CRACR2A: variants seen among roughly 807,000 people sequenced by gnomAD.
The protein encoded by CRACR2A is EF-hand calcium-binding domain-containing protein 4B.
In CRACR2A, 79 loss-of-function variants were observed where a neutral mutation model predicts 90.5. The ratio of observed to expected loss-of-function variants is 0.87; its 90% CI spans 0.73 to 1.05. The LOEUF (loss-of-function observed/expected upper bound fraction) is 1.05. CRACR2A is among the 50% of genes least tolerant of loss of function. The pLI, the probability that CRACR2A is intolerant of heterozygous loss-of-function variation, is 0.00. For synonymous variants in CRACR2A, 338 were observed against 356.7 expected (o/e 0.95, Z 0.59); for missense variants, 823 against 897.2 (o/e 0.92, Z 1.06).
At chr12:3,742,118 C>T (rs1946536231) in intron 1 of CRACR2A, among the ~76,000 whole-genome samples, 1 of 152,226 alleles carries the variant, frequency 6.6e-6, no homozygotes, top group Non-Finnish European at 1.5e-5. Flanking sequence ...AGGCCTAGGA[C>T]ATGGGCAAAT....
chr12:3,693,434 T>A (rs557910288), intron 4 of CRACR2A, among the ~76,000 whole-genome samples: 100 of 152,220 alleles, frequency 6.6e-4, no homozygotes, highest in African/African-American at 2.2e-3. Context: ...GGTCTGACAG[T>A]TCCTCTAGGA....
At chr12:3,725,038 C>G (rs114235055) in intron 2 of CRACR2A, among the ~76,000 whole-genome samples, 1 of 152,052 alleles carries the variant, frequency 6.6e-6, no homozygotes, top group Non-Finnish European at 1.5e-5. Flanking sequence ...AATCAGTGCC[C>G]GCTCCCCCTG....
At chr12:3,656,036 G>A (rs1053095034) in intron 9 of CRACR2A, among the ~76,000 whole-genome samples, 7 of 152,224 alleles carry the variant, frequency 4.6e-5, no homozygotes, top group African/African-American at 1.7e-4. Context: ...TGGCATTCTC[G>A]TGGCTCCTGG....
At chr12:3,751,393 T>C (rs1946700060) in intron 1 of CRACR2A, among the ~76,000 whole-genome samples, 1 of 152,150 alleles carries the variant, frequency 6.6e-6, no homozygotes. Context: ...GTACATCCCA[T>C]ACCCAGGTGC....
At chr12:3,752,335 C>T (rs1212880341) in intron 1 of CRACR2A, among the ~76,000 whole-genome samples, 1 of 53,626 alleles carries the variant, frequency 1.9e-5, no homozygotes, top group East Asian at 1.6e-3. Flanking sequence ...CGCACACACA[C>T]GGACACACAC....
chr12:3,731,006 C>T (rs914226553), intron 2 of CRACR2A: 6 of 152,206 alleles, frequency 3.9e-5, no homozygotes, highest in South Asian at 2.1e-4. Context: ...CTACGAACAG[C>T]CTGCAGGCTT....
chr12:3,618,459 G>T (rs1867739214), intron 18 of CRACR2A, among the ~76,000 whole-genome samples: 1 of 152,138 alleles, frequency 6.6e-6, no homozygotes, highest in South Asian at 2.1e-4. Context: ...TCTGTTTTCA[G>T]AGCTTTTTGG....
In CRACR2A at chr12:3,638,186, G is replaced by A; in HGVS notation, c.1540C>T (p.Pro514Ser). ...GGGGATGTGGGGGTGAGTTTCAAGG[G>A]TGGGGCCTCCGGGATTTGTCCCTGT... The part of the protein sequence containing the change: ...GVQGQIPEAP[P>S]LKLTPTSPRG... The change falls in exon 14 of 20, where the codon CCC (proline) becomes TCC (serine). Residue 514 changes from proline (P) to serine (S), a missense_variant. Coordinates refer to ENST00000440314, the MANE Select transcript of CRACR2A (RefSeq NM_001144958.2). 2 of 1,551,240 alleles carry A rather than the reference G, an allele frequency of 1.3e-6. No individual in the cohort carries two copies. The highest frequency in any genetic ancestry group is 1.7e-6 in the Non-Finnish European group (2 of 1,146,644).
chr12:3,679,758 G>A (rs938378963), intron 5 of CRACR2A, among the ~76,000 whole-genome samples: 1 of 152,068 alleles, frequency 6.6e-6, no homozygotes, highest in Non-Finnish European at 1.5e-5. Flanking sequence ...TCTTCCTCCT[G>A]GTTACCTTGA....
chr12:3,713,892 A>G (rs1222253706), intron 2 of CRACR2A, among the ~76,000 whole-genome samples: 1 of 152,190 alleles, frequency 6.6e-6, no homozygotes, highest in East Asian at 1.9e-4. Context: ...ACAGTTTGGG[A>G]GTGTTACGAC....
In CRACR2A at chr12:3,641,880, T is replaced by C. The variant is rs7297853; in HGVS notation, c.1165-42A>G. 996,351 of 1,527,004 alleles carry C rather than the reference T, an allele frequency of 0.65. 329,759 individuals are homozygous for C. Among genetic ancestry groups the C allele is most frequent in the East Asian group, 0.92 (37,397 of 40,764 alleles). 94.6% of individuals were successfully genotyped at this position (1,527,004 alleles called of 1,614,324 possible). ...TGTCCTCAGATCCATGCCTATTTGC[T>C]CCGATGTTTGAACAGAAAAGGGCTC... On this transcript the variant is annotated intron_variant, in intron 12 of 19. Coordinates refer to ENST00000440314, the MANE Select transcript of CRACR2A (RefSeq NM_001144958.2).
At chr12:3,699,767 G>T (rs970767201) in intron 3 of CRACR2A, among the ~76,000 whole-genome samples, 9 of 152,118 alleles carry the variant, frequency 5.9e-5, no homozygotes, top group African/African-American at 2.2e-4. Context: ...CGATTTTACC[G>T]CCAGTTTCTA....
intron 4 of CRACR2A, among the ~76,000 whole-genome samples, chr12:3,684,772 T>G (rs1591685602): frequency 2.0e-5 from 3 of 152,240 alleles, no homozygotes; most frequent in African/African-American, 7.2e-5. Flanking sequence ...GTTGACACTG[T>G]GCAGGCATGC....
At chr12:3,673,383 T>C (rs1945284776) in intron 7 of CRACR2A, 63 bp downstream of exon 7, 11 of 1,549,636 alleles carry the variant, frequency 7.1e-6, no homozygotes, top group Non-Finnish European at 6.1e-6. Context: ...TAAGAGAAAG[T>C]GCACCGTGTG....
chr12:3,699,893 T>C (rs368487071), intron 3 of CRACR2A, among the ~76,000 whole-genome samples: 2 of 152,232 alleles, frequency 1.3e-5, no homozygotes, highest in African/African-American at 4.8e-5. Context: ...CAGGTAGCTC[T>C]ATATGTGGAA....
chr12:3,745,640 G>T (rs1463220995), intron 1 of CRACR2A, among the ~76,000 whole-genome samples: 1 of 151,790 alleles, frequency 6.6e-6, no homozygotes, highest in Non-Finnish European at 1.5e-5. Flanking sequence ...CAGGCATGGT[G>T]GTGCATGCCT....
intron 17 of CRACR2A, among the ~76,000 whole-genome samples, chr12:3,620,922 A>G (rs1286091737): frequency 6.6e-6 from 1 of 152,248 alleles, no homozygotes; most frequent in Non-Finnish European, 1.5e-5. Flanking sequence ...CTGATGGCAT[A>G]TATGGAACCC....
intron 15 of CRACR2A, among the ~76,000 whole-genome samples, chr12:3,631,193 G>A (rs936213343): frequency 2.0e-5 from 3 of 152,338 alleles, no homozygotes; most frequent in African/African-American, 7.2e-5. Flanking sequence ...GTGGTGTGAT[G>A]AAGGGCATCC....
chr12:3,734,952 C>G (rs1166432012), intron 1 of CRACR2A, among the ~76,000 whole-genome samples: 1 of 152,116 alleles, frequency 6.6e-6, no homozygotes, highest in East Asian at 1.9e-4. Flanking sequence ...ATCTAATGTA[C>G]AGCATGATGA....
Sources: allele counts gnomAD v4.1 joint callset (sites outside exome capture counted in the v4.1 genomes callset), GRCh38; gene constraint gnomAD v4.1.1; transcripts MANE v1.5; gene names NCBI Gene and HGNC (gene_info 2026-07-23, HGNC 2026-07-21).